Variants in RAD51B observed in about 807,000 individuals in gnomAD.
RAD51B encodes the protein DNA repair protein RAD51 homolog 2.
RAD51B carries 38 observed loss-of-function variants against 42.2 expected under a neutral mutation model. The observed-to-expected ratio is 0.90, with a 90% CI of 0.70 to 1.18. The LOEUF (loss-of-function observed/expected upper bound fraction) is 1.18, where lower values mean the gene tolerates loss of function less well. RAD51B is among the 50% of genes most tolerant of loss of function. RAD51B has a pLI of 0.00. For missense variants in RAD51B, 373 were observed against 400.7 expected (o/e 0.93, Z 0.59); for synonymous variants, 154 against 145.2 (o/e 1.06, Z -0.43).
At chr14:68,193,333 GA>G (rs2140909310) in intron 7 of RAD51B, among the ~76,000 whole-genome samples, 2 of 152,268 alleles carry the variant, frequency 1.3e-5, no homozygotes, top group South Asian at 4.1e-4. Flanking sequence ...ACCTGTTGCT[GA>G]AGCACTTAGT....
chr14:68,563,803 G>A lies in RAD51B; in HGVS notation c.1037-30682G>A, dbSNP rs148151951. 14 of 985,108 alleles carry A rather than the reference G, an allele frequency of 1.4e-5. No individual in the cohort carries two copies. The East Asian group carries it at 4.5e-4, about 32-fold the overall frequency. The allele number at this position is 985,108 out of a possible 1,614,324, so 61.0% of individuals were successfully genotyped here. The stretch of plus-strand genomic sequence containing the variant: ...GATTTTCCGTAAGAAACGACAGCTC[G>A]GTAATGAGCAGTCCTTGGAACGTGC... On this transcript the variant is annotated intron_variant, in intron 10 of 10. Coordinates refer to the RAD51B transcript ENST00000487270.
chr14:68,488,547 T>C (rs1217951484), intron 10 of RAD51B, among the ~76,000 whole-genome samples: 1 of 152,152 alleles, frequency 6.6e-6, no homozygotes, highest in Non-Finnish European at 1.5e-5. Flanking sequence ...CCTAATCAAA[T>C]TCCTCAGCCC....
chr14:67,917,950 C>T (rs912592349), intron 7 of RAD51B, among the ~76,000 whole-genome samples: 2 of 152,040 alleles, frequency 1.3e-5, no homozygotes, highest in Non-Finnish European at 2.9e-5. Flanking sequence ...TGACCATTAT[C>T]TCTGTGAGAT....
At chr14:68,433,889 T>C (rs940902057) in intron 9 of RAD51B, among the ~76,000 whole-genome samples, 10 of 152,212 alleles carry the variant, frequency 6.6e-5, no homozygotes, top group Non-Finnish European at 1.2e-4. Context: ...TATCTACTTT[T>C]GGTCTTTGAT....
chr14:68,523,456 G>A (rs1019236627), intron 10 of RAD51B, among the ~76,000 whole-genome samples: 12 of 152,202 alleles, frequency 7.9e-5, no homozygotes, highest in African/African-American at 1.9e-4. Context: ...TGAAGGCAAC[G>A]TAGCACTGTC....
At chr14:68,373,956 T>G (rs2083311652) in intron 8 of RAD51B, among the ~76,000 whole-genome samples, 1 of 152,218 alleles carries the variant, frequency 6.6e-6, no homozygotes. Flanking sequence ...GCCTTATCTT[T>G]GTAATCTGGA....
At chr14:68,563,336 C>G (rs748456185) in intron 10 of RAD51B, 13 of 985,422 alleles carry the variant, frequency 1.3e-5, no homozygotes, top group Non-Finnish European at 1.6e-5. Flanking sequence ...TCTTCCCCTC[C>G]AGCTCAGCCT....
At chr14:68,018,756 C>A (rs1409170297) in intron 7 of RAD51B, among the ~76,000 whole-genome samples, 2 of 152,084 alleles carry the variant, frequency 1.3e-5, no homozygotes, top group African/African-American at 4.8e-5. Flanking sequence ...GTAGCAAAAC[C>A]TTTTAAATTA....
At chr14:68,330,051 A>C (rs1186168914) in intron 8 of RAD51B, among the ~76,000 whole-genome samples, 7 of 152,206 alleles carry the variant, frequency 4.6e-5, no homozygotes. Context: ...AAAGAAAAAA[A>C]CACTCCAAAA....
At chr14:67,915,598 A>G (rs1595101691) in intron 7 of RAD51B, among the ~76,000 whole-genome samples, 2 of 152,208 alleles carry the variant, frequency 1.3e-5, no homozygotes, top group African/African-American at 4.8e-5. Context: ...CCTGCCTGCT[A>G]GACCTACTGC....
rs141352924 is a variant in RAD51B, at chr14:67,846,413, T to C, written c.315+11217T>C. Among the ~76,000 whole-genome samples, 474 of 152,250 alleles carry C rather than the reference T, an allele frequency of 3.1e-3. 2 individuals are homozygous for C. Among genetic ancestry groups the C allele is most frequent in the African/African-American group, 0.011 (461 of 41,546 alleles). The stretch of plus-strand genomic sequence containing the variant: ...CAGCTGTGGCATAGTGGGATGCATA[T>C]GCACATGGGTGCCAGCGATGGAGGG... On this transcript the variant is annotated intron_variant, in intron 4 of 10. Coordinates refer to ENST00000471583, the MANE Select transcript of RAD51B (RefSeq NM_133510.4).
At chr14:68,671,144 G>A (rs1048475944) in intron 11 of RAD51B, among the ~76,000 whole-genome samples, 10 of 152,196 alleles carry the variant, frequency 6.6e-5, no homozygotes, top group African/African-American at 1.9e-4. Context: ...CTGTCCAAGG[G>A]GCACCCATGA....
intron 7 of RAD51B, among the ~76,000 whole-genome samples, chr14:67,983,389 G>A (rs913684710): frequency 6.6e-6 from 1 of 152,066 alleles, no homozygotes; most frequent in Non-Finnish European, 1.5e-5. Flanking sequence ...GACATAAGAA[G>A]GCCTATGTAG....
At chr14:68,583,519 T>A (rs2140062972) in intron 10 of RAD51B, among the ~76,000 whole-genome samples, 1 of 152,332 alleles carries the variant, frequency 6.6e-6, no homozygotes, top group Non-Finnish European at 1.5e-5. Flanking sequence ...ACCTTCCTGA[T>A]ATGGTGAAGG....
chr14:68,285,350 C>T lies in RAD51B; in HGVS notation c.757-6534C>T, dbSNP rs188798396. ...AGGATCACTTCAGATACAAAAGTAA[C>T]ATTTTTAAAGCTGTGCCTTAAGCAG... is the stretch of plus-strand genomic sequence containing the variant. On this transcript the variant is annotated intron_variant, in intron 7 of 10. Coordinates refer to ENST00000471583, the MANE Select transcript of RAD51B (RefSeq NM_133510.4). Among the ~76,000 whole-genome samples, 907 of 152,280 alleles carry T rather than the reference C, an allele frequency of 6.0e-3. 18 individuals are homozygous for T. Among genetic ancestry groups the T allele is most frequent in the African/African-American group, 0.021 (872 of 41,548 alleles).
intron 1 of RAD51B, among the ~76,000 whole-genome samples, chr14:67,822,775 A>G (rs955835208): frequency 6.6e-6 from 1 of 152,108 alleles, no homozygotes; most frequent in Non-Finnish European, 1.5e-5. Flanking sequence ...TTAATACTGC[A>G]GTGATAAAAT....
At chr14:67,900,017 C>T (rs1334043616) in intron 7 of RAD51B, among the ~76,000 whole-genome samples, 2 of 152,202 alleles carry the variant, frequency 1.3e-5, no homozygotes, top group African/African-American at 4.8e-5. Context: ...ATACTAAAAA[C>T]TTTTCAATAC....
chr14:68,411,440 CTG>C lies in RAD51B; in HGVS notation c.875_876del (p.Val292AspfsTer22). The stretch of plus-strand genomic sequence containing the variant: ...TCATTTCAGGCACTTCTGGATCCAG[CTG>C]TGTGATAGCCGCACTAGGAAATACC... ...SLSEGTSGSSCVIAALGNTWS... is the reference protein window; with the variant it reads ...SLSEGTSGSSXVIAALGNTWS... On this transcript the variant is annotated frameshift_variant, in exon 9 of 11. Transcript: ENST00000471583. LOFTEE classifies it high-confidence loss of function. The C allele has an allele frequency of 6.2e-7, 1 of 1,614,100 alleles. No individual in the cohort carries two copies. The highest frequency in any genetic ancestry group is 8.5e-7 in the Non-Finnish European group (1 of 1,179,974).
Position 68,026,756 on chromosome 14 carries a change from T to C in RAD51B, c.756+139552T>C, listed in dbSNP as rs556379649. Among the ~76,000 whole-genome samples, 6 of 152,328 alleles carry C rather than the reference T, an allele frequency of 3.9e-5. No individual in the cohort carries two copies. In the South Asian group the frequency reaches 1.2e-3, roughly 32 times the overall value. ...GATTTCATTACATGTGAAATGAATC[T>C]CTTAACAGCAGACGGTTGAGTCCTG... On this transcript the variant is annotated intron_variant, in intron 7 of 10. Coordinates refer to ENST00000471583, the MANE Select transcript of RAD51B (RefSeq NM_133510.4).
Sources: gnomAD v4.1 joint callset for allele counts (sites outside exome capture counted in the v4.1 genomes callset) on GRCh38, gnomAD v4.1.1 for gene constraint, MANE v1.5 for transcripts, NCBI Gene and HGNC (gene_info 2026-07-23, HGNC 2026-07-21) for gene names.